CTNNA2: variants seen among roughly 807,000 people sequenced by gnomAD.
The protein encoded by CTNNA2 is catenin alpha 2, also known as catenin alpha-2.
A neutral mutation model predicts 101.0 loss-of-function variants in CTNNA2; 42 were observed. The ratio of observed to expected loss-of-function variants is 0.42; its 90% CI spans 0.32 to 0.54. The LOEUF is 0.54. Among genes scored for constraint, CTNNA2 ranks in the 20% least tolerant of loss-of-function variants. The pLI, the probability that CTNNA2 is intolerant of heterozygous loss-of-function variation, is 0.14. For synonymous variants in CTNNA2, 450 were observed against 456.4 expected, an observed-to-expected ratio of 0.99 and a Z score of 0.18; for missense variants, 871 against 1,223.1, an observed-to-expected ratio of 0.71 and a Z score of 4.29.
intron 2 of CTNNA2, among the ~76,000 whole-genome samples, chr2:79,240,209 A>G (rs1332265218): frequency 6.7e-6 from 1 of 148,872 alleles, no homozygotes; most frequent in East Asian, 2.0e-4. Flanking sequence ...TGCTTGGCAC[A>G]GTTTTCTTTT....
intron 7 of CTNNA2, among the ~76,000 whole-genome samples, chr2:80,194,664 C>A (rs1156663777): frequency 6.6e-6 from 1 of 151,148 alleles, no homozygotes; most frequent in Non-Finnish European, 1.5e-5. Context: ...TTCTATTATA[C>A]CCTTGAGGAG....
intron 2 of CTNNA2, among the ~76,000 whole-genome samples, chr2:79,243,003 C>CACACACACACACAT (rs1553385615): frequency 1.1e-4 from 15 of 134,398 alleles, no homozygotes; most frequent in African/African-American, 3.8e-4. Flanking sequence ...TACACACACA[C>CACACACACACACAT]ACACACACAC....
At chr2:79,628,938 G>A (rs753489422) in intron 1 of CTNNA2, among the ~76,000 whole-genome samples, 2 of 152,176 alleles carry the variant, frequency 1.3e-5, no homozygotes, top group Non-Finnish European at 2.9e-5. Flanking sequence ...ACTGTACACT[G>A]TGGAGGACAA....
chr2:79,424,881 AT>A (rs1238279349), intron 4 of CTNNA2, among the ~76,000 whole-genome samples: 1 of 152,138 alleles, frequency 6.6e-6, no homozygotes, highest in African/African-American at 2.4e-5. Flanking sequence ...TGTAGGTATA[AT>A]TTTTTAGAAA....
chr2:79,455,151 T>G (rs924420523), intron 4 of CTNNA2, among the ~76,000 whole-genome samples: 1 of 152,210 alleles, frequency 6.6e-6, no homozygotes, highest in African/African-American at 2.4e-5. Flanking sequence ...CATCATGCAT[T>G]ACAAGGCATA....
chr2:80,150,445 T>A (rs915910127), intron 7 of CTNNA2, among the ~76,000 whole-genome samples: 2 of 152,130 alleles, frequency 1.3e-5, no homozygotes, highest in African/African-American at 4.8e-5. Flanking sequence ...CAAAAAGTGA[T>A]GGAAACTGAG....
At chr2:79,798,525 G>A (rs1675897147) in intron 3 of CTNNA2, among the ~76,000 whole-genome samples, 2 of 146,566 alleles carry the variant, frequency 1.4e-5, no homozygotes, top group East Asian at 2.0e-4. Context: ...AGTGAAACCA[G>A]TTGTAGTAAA....
chr2:79,227,320 A>G (rs922313901), intron 2 of CTNNA2, among the ~76,000 whole-genome samples: 10 of 152,180 alleles, frequency 6.6e-5, no homozygotes, highest in Non-Finnish European at 8.8e-5. Flanking sequence ...ATAAATTTAC[A>G]TTTATTCCAT....
chr2:80,572,379 T>G (rs1347949116), intron 12 of CTNNA2, among the ~76,000 whole-genome samples: 3 of 152,306 alleles, frequency 2.0e-5, no homozygotes, highest in African/African-American at 7.2e-5. Flanking sequence ...TTTATATACA[T>G]GTAGGAGTAC....
intron 3 of CTNNA2, among the ~76,000 whole-genome samples, chr2:79,359,591 G>A (rs796927480): frequency 6.6e-5 from 10 of 152,302 alleles, no homozygotes; most frequent in African/African-American, 2.4e-4. Flanking sequence ...CCCTTCATGG[G>A]AAGCCCCTGG....
chr2:80,594,638 C>A (rs796851642), intron 15 of CTNNA2, among the ~76,000 whole-genome samples: 8 of 151,868 alleles, frequency 5.3e-5, no homozygotes, highest in African/African-American at 1.9e-4. Flanking sequence ...TACTTTAGTT[C>A]TTATGGTTAG....
chr2:79,349,158 T>C (rs1316910616), intron 3 of CTNNA2, among the ~76,000 whole-genome samples: 1 of 152,202 alleles, frequency 6.6e-6, no homozygotes, highest in Non-Finnish European at 1.5e-5. Context: ...GTGGGTGATA[T>C]GCAGGCAAGA....
intron 6 of CTNNA2, among the ~76,000 whole-genome samples, chr2:79,897,912 A>G (rs1400242318): frequency 6.6e-6 from 1 of 152,160 alleles, no homozygotes; most frequent in Non-Finnish European, 1.5e-5. Flanking sequence ...AGGGCAAGCT[A>G]GCCAAATGCT....
At chr2:79,807,201 T>A (rs1372119758) in intron 3 of CTNNA2, among the ~76,000 whole-genome samples, 1 of 152,320 alleles carries the variant, frequency 6.6e-6, no homozygotes. Context: ...TGGGAATTAT[T>A]TTTCTTTTGT....
At chr2:79,433,540 T>A (rs1678678582) in intron 4 of CTNNA2, among the ~76,000 whole-genome samples, 1 of 150,362 alleles carries the variant, frequency 6.7e-6, no homozygotes, top group African/African-American at 2.5e-5. Flanking sequence ...TGCTATGAGA[T>A]GAAATTTGTA....
chr2:80,596,548 G>C (rs993640111), intron 15 of CTNNA2, among the ~76,000 whole-genome samples: 1 of 151,606 alleles, frequency 6.6e-6, no homozygotes, highest in Admixed American at 6.6e-5. Context: ...TCCTGACCTC[G>C]TGATCTGCCC....
chr2:79,266,851 T>A (rs1674993865), intron 2 of CTNNA2, among the ~76,000 whole-genome samples: 2 of 152,090 alleles, frequency 1.3e-5, no homozygotes, highest in African/African-American at 4.8e-5. Flanking sequence ...GCAACTCATG[T>A]ATTTTCATGT....
rs534353696 is a variant in CTNNA2, at chr2:80,194,860, T to C, written c.1057-198351T>C. ...GTATGTGTGTGTGTGTATGTGTGTATATATATACACACAGGCTTTATTTGA... is the reference window on the plus strand; with the variant it reads ...GTATGTGTGTGTGTGTATGTGTGTACATATATACACACAGGCTTTATTTGA... On this transcript the variant is annotated intron_variant, in intron 7 of 18. Transcript: ENST00000402739. Among the ~76,000 whole-genome samples, 4 of 151,858 alleles carry C rather than the reference T, an allele frequency of 2.6e-5. No homozygotes were observed. In the East Asian group the frequency reaches 7.7e-4, roughly 29 times the overall value.
intron 7 of CTNNA2, among the ~76,000 whole-genome samples, chr2:80,203,213 A>G (rs1373274483): frequency 6.6e-6 from 1 of 152,156 alleles, no homozygotes; most frequent in East Asian, 1.9e-4. Flanking sequence ...GCCCCTCTCA[A>G]ATCTCATATC....
Sources: allele counts gnomAD v4.1 joint callset (sites outside exome capture counted in the v4.1 genomes callset), GRCh38; gene constraint gnomAD v4.1.1; transcripts MANE v1.5; gene names NCBI Gene and HGNC (gene_info 2026-07-23, HGNC 2026-07-21).